Variants in HAUS6 observed in about 807,000 individuals in gnomAD.
The protein encoded by HAUS6 is HAUS augmin like complex subunit 6, also known as HAUS augmin-like complex subunit 6.
In HAUS6, 80 loss-of-function variants were observed where a neutral mutation model predicts 106.8. The ratio of observed to expected loss-of-function variants is 0.75; its 90% CI spans 0.63 to 0.90. The LOEUF is 0.90. HAUS6 is among the 40% of genes least tolerant of loss of function. The pLI, the probability that HAUS6 is intolerant of heterozygous loss-of-function variation, is 0.00. For missense variants in HAUS6, 1,155 were observed against 1,118.1 expected (o/e 1.03, Z -0.47); for synonymous variants, 356 against 379.1 (o/e 0.94, Z 0.71).
intron 12 of HAUS6, 192 bp from the exon 13 acceptor site, chr9:19,063,772 T>C (rs752691300): frequency 1.3e-6 from 1 of 742,058 alleles, no homozygotes; most frequent in Non-Finnish European, 2.5e-6. Flanking sequence ...GCCCAATTTG[T>C]GTATCAGCCT....
chr9:19,085,701 A>G (rs1331251865), intron 7 of HAUS6, among the ~76,000 whole-genome samples: 1 of 151,994 alleles, frequency 6.6e-6, no homozygotes, highest in Non-Finnish European at 1.5e-5. Context: ...TTCATTTGTC[A>G]GAATCCTCCC....
At chr9:19,078,397 G>A in intron 9 of HAUS6, 95 bp from the exon 10 acceptor site, 2 of 697,530 alleles carry the variant, frequency 2.9e-6, no homozygotes, top group South Asian at 1.9e-5. Context: ...AGAAGTGGAA[G>A]GAAATAGAAG....
At chr9:19,086,664 C>T (rs1837304217) in intron 7 of HAUS6, 70 bp downstream of exon 7, 1 of 687,712 alleles carries the variant, frequency 1.5e-6, no homozygotes, top group South Asian at 1.6e-5. Context: ...AAGAGTCCCA[C>T]TAATTAAGCA....
intron 8 of HAUS6, among the ~76,000 whole-genome samples, chr9:19,081,903 A>G (rs1052460525): frequency 7.1e-6 from 1 of 141,788 alleles, no homozygotes; most frequent in African/African-American, 2.5e-5. Flanking sequence ...CGTCTCTACT[A>G]AAGAAGTGTC....
chr9:19,067,497 T>C (rs917113324), intron 12 of HAUS6, among the ~76,000 whole-genome samples: 2 of 152,212 alleles, frequency 1.3e-5, no homozygotes, highest in Admixed American at 6.5e-5. Flanking sequence ...TTCAAATCTA[T>C]AATTAAAATA....
At chr9:19,094,497 A>G in intron 2 of HAUS6, 102 bp from the exon 3 acceptor site, 1 of 684,768 alleles carries the variant, frequency 1.5e-6, no homozygotes, top group Non-Finnish European at 2.5e-6. Context: ...TAATACCAGA[A>G]ATATTAATGC....
intron 2 of HAUS6, among the ~76,000 whole-genome samples, chr9:19,096,000 A>G (rs1294225700): frequency 6.6e-6 from 1 of 152,214 alleles, no homozygotes; most frequent in African/African-American, 2.4e-5. Context: ...GGCACAGAGT[A>G]CCGAGCAAAA....
At chr9:19,087,864 A>AAG (rs1286273828) in intron 5 of HAUS6, among the ~76,000 whole-genome samples, 2 of 148,602 alleles carry the variant, frequency 1.3e-5, no homozygotes, top group African/African-American at 2.5e-5. Context: ...AAAAAAAAAA[A>AAG]AAAAAAACCA....
intron 7 of HAUS6, among the ~76,000 whole-genome samples, chr9:19,084,268 A>G (rs987400312): frequency 2.0e-5 from 3 of 152,196 alleles, no homozygotes; most frequent in African/African-American, 7.2e-5. Flanking sequence ...ACACAAAAGA[A>G]TATATTCTAT....
In HAUS6 at chr9:19,062,235, T is replaced by G. The variant is rs548956096; in HGVS notation, c.1629+773A>C. Among the ~76,000 whole-genome samples, 3 of 152,320 alleles carry G rather than the reference T, an allele frequency of 2.0e-5. No homozygotes were observed. The East Asian group carries it at 5.8e-4, about 29-fold the overall frequency. ...AATGCATCTAATCACTTCTGAAATA[T>G]TTTAGACAGCAAAAAGAACAAAACC... On this transcript the variant is annotated intron_variant, in intron 14 of 16. Transcript: ENST00000380502.
At chr9:19,081,759 T>C (rs1837156002) in intron 8 of HAUS6, among the ~76,000 whole-genome samples, 1 of 152,058 alleles carries the variant, frequency 6.6e-6, no homozygotes, top group South Asian at 2.1e-4. Context: ...ACTTTTTAAA[T>C]CATAGATTTC....
chr9:19,067,766 G>C (rs979933271), intron 12 of HAUS6, among the ~76,000 whole-genome samples: 1 of 152,028 alleles, frequency 6.6e-6, no homozygotes, highest in Non-Finnish European at 1.5e-5. Flanking sequence ...TCGGCTCGCC[G>C]CAACCTCCGC....
chr9:19,064,953 G>C (rs1323026090), intron 12 of HAUS6: 1 of 152,186 alleles, frequency 6.6e-6, no homozygotes, highest in Non-Finnish European at 1.5e-5. Flanking sequence ...ACCACCACAA[G>C]AAGGTAAGGA....
chr9:19,102,825 G>A lies in HAUS6; in HGVS notation c.-174C>T. Reference sequence around the variant, plus strand: ...GCCTCAAAGGGCCTCACAACCTCCGGGAAATTGAGTTTCTAACGGTATAGT... The same window carrying A: ...GCCTCAAAGGGCCTCACAACCTCCGAGAAATTGAGTTTCTAACGGTATAGT... On this transcript the variant is annotated 5_prime_UTR_variant, in exon 1 of 17. Coordinates refer to ENST00000380502, the MANE Select transcript of HAUS6 (RefSeq NM_017645.5). 3.4e-6 allele frequency: 2 copies of A among 594,424 alleles called. No homozygotes were observed. Among genetic ancestry groups the A allele is most frequent in the Non-Finnish European group, 5.8e-6 (2 of 346,832 alleles). 36.8% of individuals were successfully genotyped at this position (594,424 alleles called of 1,614,324 possible).
At chr9:19,059,532 A>C (rs1385236558) in intron 15 of HAUS6, among the ~76,000 whole-genome samples, 1 of 152,248 alleles carries the variant, frequency 6.6e-6, no homozygotes, top group African/African-American at 2.4e-5. Context: ...GCTCAGTTCA[A>C]ACTGAATTAA....
At chr9:19,082,330 T>C (rs1837168957) in intron 8 of HAUS6, among the ~76,000 whole-genome samples, 1 of 152,214 alleles carries the variant, frequency 6.6e-6, no homozygotes, top group African/African-American at 2.4e-5. Context: ...ACTAAGAAAC[T>C]TCATACTGTC....
intron 1 of HAUS6, among the ~76,000 whole-genome samples, chr9:19,099,500 T>C (rs1205121832): frequency 6.6e-6 from 1 of 151,968 alleles, no homozygotes; most frequent in Non-Finnish European, 1.5e-5. Context: ...GTCTCACTCT[T>C]GTTACCCAGG....
chr9:19,056,542 T>C, intron 16 of HAUS6, 138 bp from the exon 17 acceptor site: 1 of 595,484 alleles, frequency 1.7e-6, no homozygotes, highest in Non-Finnish European at 3.0e-6. Flanking sequence ...AAATTATTAT[T>C]ATTCTCACCA....
chr9:19,073,970 A>G (rs142002749), intron 11 of HAUS6: 6,796 of 152,288 alleles, frequency 0.045, 176 homozygotes, highest in South Asian at 0.07. Flanking sequence ...AAAAAGGGCC[A>G]GGTACGGTGG....
Sources: allele counts gnomAD v4.1 joint callset (sites outside exome capture counted in the v4.1 genomes callset), GRCh38; gene constraint gnomAD v4.1.1; transcripts MANE v1.5; gene names NCBI Gene and HGNC (gene_info 2026-07-23, HGNC 2026-07-21).